The following VEZT variants were observed in gnomAD, a reference collection of about 807,000 sequenced individuals.
VEZT encodes the protein vezatin.
VEZT carries 39 observed loss-of-function variants against 79.9 expected under a neutral mutation model. The observed-to-expected ratio is 0.49, with a 90% CI of 0.38 to 0.64. The LOEUF is 0.64. VEZT is among the 30% of genes least tolerant of loss of function. The pLI is 0.00. For synonymous variants in VEZT, 325 were observed against 327.6 expected (o/e 0.99, Z 0.09); for missense variants, 837 against 893.1 (o/e 0.94, Z 0.80).
intron 8 of VEZT, among the ~76,000 whole-genome samples, chr12:95,287,012 C>A (rs143491710): frequency 0.028 from 4,183 of 149,942 alleles, 131 homozygotes; most frequent in Middle Eastern, 0.092. Flanking sequence ...TAGGGAGGGG[C>A]GGTGGATATT....
chr12:95,241,530 C>T (rs895164683), intron 1 of VEZT, among the ~76,000 whole-genome samples: 16 of 151,990 alleles, frequency 1.1e-4, no homozygotes, highest in East Asian at 3.9e-4. Context: ...TAGTCTCAAA[C>T]GCCTGGCCTC....
intron 1 of VEZT, among the ~76,000 whole-genome samples, chr12:95,226,698 G>A (rs532768742): frequency 6.6e-6 from 1 of 152,220 alleles, no homozygotes; most frequent in South Asian, 2.1e-4. Context: ...CTTAGTCTGA[G>A]AGGACTAGAT....
At chr12:95,224,729 T>C (rs534176850) in intron 1 of VEZT, among the ~76,000 whole-genome samples, 134 of 152,216 alleles carry the variant, frequency 8.8e-4, no homozygotes, top group Non-Finnish European at 1.6e-3. Context: ...CAGGTTCTGC[T>C]GAGTCAGCCC....
At chr12:95,294,895 G>C (rs2073811159) in intron 10 of VEZT, among the ~76,000 whole-genome samples, 1 of 152,008 alleles carries the variant, frequency 6.6e-6, no homozygotes. Context: ...ACCAACCCTA[G>C]TTAGTTTAAC....
At chr12:95,241,466 G>A (rs2061007444) in intron 1 of VEZT, among the ~76,000 whole-genome samples, 2 of 151,940 alleles carry the variant, frequency 1.3e-5, no homozygotes. Context: ...CACCATTTCT[G>A]GCTAATTTTT....
chr12:95,218,125 C>T (rs528500674), intron 1 of VEZT: 202 of 378,458 alleles, frequency 5.3e-4, no homozygotes, highest in Non-Finnish European at 8.3e-4. Context: ...CAGACGGTGC[C>T]CGGTTGCCAG....
At chr12:95,258,386 G>A in intron 3 of VEZT, 1 of 423,236 alleles carries the variant, frequency 2.4e-6, no homozygotes, top group Non-Finnish European at 4.8e-6. Context: ...CATGTTTCAT[G>A]TGATGTTTCA....
At position 95,274,835 on chromosome 12, in the gene VEZT, T is replaced by A; in HGVS notation, c.942T>A (p.Ile314=). ...GCCTTGGACTTAGTGAAGAGCAGAT[T>A]TCAGAAGAGGAAGCACATAACTTTA... ...ELGLGLSEEQ[I]SEEEAHNFTD... The change falls in exon 7 of 12, where the codon ATT becomes ATA. Residue 314 remains isoleucine, a synonymous_variant. Transcript: ENST00000436874. The A allele has an allele frequency of 6.2e-7, 1 of 1,613,908 alleles. No individual in the cohort carries two copies.
At chr12:95,267,275 A>G (rs749819668) in intron 5 of VEZT, among the ~76,000 whole-genome samples, 1 of 152,250 alleles carries the variant, frequency 6.6e-6, no homozygotes, top group African/African-American at 2.4e-5. Context: ...TCACTTTTGC[A>G]TACAACTAAA....
Position 95,300,670 on chromosome 12 carries a change from G to GT in VEZT, c.2338dup (p.Ter780LeufsTer9), listed in dbSNP as rs780796608. 6 of 1,578,712 alleles carry GT rather than the reference G, an allele frequency of 3.8e-6. No homozygotes were observed. The highest frequency in any genetic ancestry group is 3.6e-4 in the Middle Eastern group (2 of 5,528). On this transcript the variant is annotated frameshift_variant, in exon 12 of 12. Transcript: ENST00000436874. LOFTEE classifies it high-confidence loss of function. Reference sequence around the variant, plus strand: ...AAAATAAAAATGAGATAGAAGAAAAGTAAGAACCAAGATTCATATGAAGTG... The same window carrying GT: ...AAAATAAAAATGAGATAGAAGAAAAGTTAAGAACCAAGATTCATATGAAGTG...
rs2075169797 is a variant in VEZT, at chr12:95,301,177, T to C, written c.*504T>C. On this transcript the variant is annotated 3_prime_UTR_variant, in exon 12 of 12. Transcript: ENST00000436874. ...TAAAAAAATTAATTGATACAATTGA[T>C]GTGTGCTGGGGTTTGGAACTAAAAG... The C allele has an allele frequency of 6.5e-6, 1 of 152,696 alleles. No homozygotes were observed. Among genetic ancestry groups the C allele is most frequent in the Admixed American group, 6.5e-5 (1 of 15,340 alleles). The allele number at this position is 152,696 out of a possible 1,614,324, so 9.5% of individuals were successfully genotyped here.
intron 1 of VEZT, among the ~76,000 whole-genome samples, chr12:95,227,234 C>A (rs958119518): frequency 1.3e-5 from 2 of 152,118 alleles, no homozygotes; most frequent in Admixed American, 6.5e-5. Context: ...AATCACTGTT[C>A]ACTGCAGCCT....
At chr12:95,274,571 T>C (rs997251333) in intron 6 of VEZT, among the ~76,000 whole-genome samples, 171 bp from the exon 7 acceptor site, 1 of 152,234 alleles carries the variant, frequency 6.6e-6, no homozygotes, top group Non-Finnish European at 1.5e-5. Flanking sequence ...ATATCTGAGG[T>C]ATTATGTTAA....
intron 7 of VEZT, among the ~76,000 whole-genome samples, chr12:95,276,868 T>A (rs1045586217): frequency 1.3e-5 from 2 of 152,152 alleles, no homozygotes; most frequent in African/African-American, 2.4e-5. Flanking sequence ...TTCTAACCCA[T>A]CTCAATAAAT....
At chr12:95,279,082 A>G (rs2068429302) in intron 7 of VEZT, among the ~76,000 whole-genome samples, 1 of 152,244 alleles carries the variant, frequency 6.6e-6, no homozygotes, top group African/African-American at 2.4e-5. Flanking sequence ...ACATAAATAA[A>G]TAAATTAATT....
chr12:95,239,875 C>T (rs554049485), intron 1 of VEZT, among the ~76,000 whole-genome samples: 16 of 151,434 alleles, frequency 1.1e-4, no homozygotes, highest in African/African-American at 3.6e-4. Context: ...TCACTTGAAC[C>T]TGAGAGGTGG....
intron 7 of VEZT, among the ~76,000 whole-genome samples, chr12:95,276,693 G>A (rs2067853779): frequency 2.6e-5 from 4 of 152,128 alleles, no homozygotes; most frequent in African/African-American, 9.7e-5. Context: ...GTGAAAATTA[G>A]TGCAAGTATT....
At chr12:95,268,309 C>T (rs193257287) in intron 5 of VEZT, among the ~76,000 whole-genome samples, 170 of 152,114 alleles carry the variant, frequency 1.1e-3, no homozygotes, top group African/African-American at 4.0e-3. Flanking sequence ...TCCTGGCTAA[C>T]ACGGTGAAAC....
chr12:95,218,005 AC>A, intron 1 of VEZT, 119 bp downstream of exon 1: 1 of 1,028,254 alleles, frequency 9.7e-7, no homozygotes, highest in Non-Finnish European at 1.4e-6. Context: ...GCTGGCCTCG[AC>A]CACCGAACCC....
Sources: allele counts gnomAD v4.1 joint callset (sites outside exome capture counted in the v4.1 genomes callset), GRCh38; gene constraint gnomAD v4.1.1; transcripts MANE v1.5; gene names NCBI Gene and HGNC (gene_info 2026-07-23, HGNC 2026-07-21).